PRKDC: variants seen among roughly 807,000 people sequenced by gnomAD.
PRKDC encodes DNA-dependent protein kinase catalytic subunit.
A neutral mutation model predicts 486.9 loss-of-function variants in PRKDC; 82 were observed. That is an observed-to-expected ratio of 0.17 (90% CI 0.14 to 0.20). PRKDC has a LOEUF of 0.20. Ranked by LOEUF, PRKDC falls within the 10% of genes least tolerant of loss-of-function variation. The pLI, the probability that PRKDC is intolerant of heterozygous loss-of-function variation, is 1.00. For missense variants in PRKDC, 4,504 were observed against 5,038.2 expected, an observed-to-expected ratio of 0.89 and a Z score of 3.21; for synonymous variants, 1,895 against 1,837.0, an observed-to-expected ratio of 1.03 and a Z score of -0.81.
chr8:47,955,829 G>A lies in PRKDC; in HGVS notation c.399+45C>T, dbSNP rs1472338447. 1.4e-6 allele frequency: 2 copies of A among 1,431,100 alleles called. 1 individual carries two copies. Among genetic ancestry groups the A allele is most frequent in the South Asian group, 2.5e-5 (2 of 79,272 alleles). 88.7% of individuals were successfully genotyped at this position (1,431,100 alleles called of 1,614,324 possible). On this transcript the variant is annotated intron_variant, in intron 4 of 85. Transcript: ENST00000314191. ...TCAAAACTCTGATTTTCTTTTAAAAGTTACATGTTTAATGTAAAATACGTG... is the reference window on the plus strand; with the variant it reads ...TCAAAACTCTGATTTTCTTTTAAAAATTACATGTTTAATGTAAAATACGTG...
At chr8:47,835,568 G>C (rs1467872116) in intron 58 of PRKDC, among the ~76,000 whole-genome samples, 1 of 117,490 alleles carries the variant, frequency 8.5e-6, no homozygotes, top group East Asian at 2.8e-4. Context: ...AGTGAGCCAA[G>C]ATCGTGCCAC....
rs139461700 is a variant in PRKDC, at chr8:47,939,037, T to C, written c.1113+514A>G. The stretch of plus-strand genomic sequence containing the variant: ...CACACTTGGACTTATGCCTTGGTTC[T>C]GTCAATTCTGAGTCTCTTGACAAGT... On this transcript the variant is annotated intron_variant, in intron 11 of 85. Coordinates refer to ENST00000314191, the MANE Select transcript of PRKDC (RefSeq NM_006904.7). Among the ~76,000 whole-genome samples, 260 of 152,352 alleles carry C rather than the reference T, an allele frequency of 1.7e-3. 1 individual carries two copies. The highest frequency in any genetic ancestry group is 5.7e-3 in the African/African-American group (235 of 41,584).
intron 7 of PRKDC, among the ~76,000 whole-genome samples, chr8:47,946,325 A>AC (rs2090531243): frequency 6.6e-6 from 1 of 151,568 alleles, no homozygotes. Context: ...TCAAAAAAAA[A>AC]CCCCTCTCTT....
chr8:47,908,062 T>C (rs2089825117), intron 25 of PRKDC, among the ~76,000 whole-genome samples: 1 of 152,224 alleles, frequency 6.6e-6, no homozygotes, highest in African/African-American at 2.4e-5. Context: ...GCAGCTCTCT[T>C]GTAAGGAAGC....
chr8:47,811,775 G>A (rs150754343), intron 68 of PRKDC, among the ~76,000 whole-genome samples: 6 of 152,182 alleles, frequency 3.9e-5, no homozygotes, highest in Middle Eastern at 3.4e-3. Context: ...TCAGGAGTTC[G>A]AGACCAGCCT....
At position 47,773,124 on chromosome 8, in the gene PRKDC, C is replaced by G. The variant is rs2086547661; in HGVS notation, c.*1049G>C. ...GATACACACTACTTTTGGAAAAAAACTTTATTAAACACTCAAGAGTATACT... is the reference window on the plus strand; with the variant it reads ...GATACACACTACTTTTGGAAAAAAAGTTTATTAAACACTCAAGAGTATACT... On this transcript the variant is annotated 3_prime_UTR_variant, in exon 86 of 86. Transcript: ENST00000314191. 5.1e-6 allele frequency: 1 copy of G among 197,724 alleles called. No individual in the cohort carries two copies. The highest frequency in any genetic ancestry group is 1.9e-4 in the South Asian group (1 of 5,258). The allele number at this position is 197,724 out of a possible 1,614,324, so 12.2% of individuals were successfully genotyped here.
chr8:47,795,717 T>A (rs929063040), intron 73 of PRKDC, among the ~76,000 whole-genome samples: 4 of 151,822 alleles, frequency 2.6e-5, no homozygotes, highest in Non-Finnish European at 5.9e-5. Flanking sequence ...GGTCTTGAAC[T>A]CCTGACCTCA....
rs1373063490 is a variant in PRKDC, at chr8:47,830,719, T to A, written c.8283A>T (p.Leu2761Phe). Residue 2761 changes from leucine to phenylalanine, a missense_variant, in exon 61 of 86, where the codon TTA (leucine) becomes TTT (phenylalanine). By Grantham distance (22) the Leu-to-Phe change is conservative. Transcript: ENST00000314191. ...QKREKEIKSE[L>F]KMKQDAQVVL... ...CGACCTGGGCATCCTGCTTCATTTT[T>A]AACTCACTCTTGATTTCCTATAAGC... 3 of 1,613,954 alleles carry A rather than the reference T, an allele frequency of 1.9e-6. No individual in the cohort carries two copies. Among genetic ancestry groups the A allele is most frequent in the Non-Finnish European group, 2.5e-6 (3 of 1,179,890 alleles).
rs755510413 is a variant in PRKDC, at chr8:47,803,411, G to C, written c.9817C>G (p.Leu3273Val). 1 of 1,613,892 alleles carries C rather than the reference G, an allele frequency of 6.2e-7. No homozygotes were observed. Among genetic ancestry groups the C allele is most frequent in the Non-Finnish European group, 8.5e-7 (1 of 1,179,894 alleles). ...CAGTAGCTCTGCACCCAGCTCACCAGCCAATCGTCTCTGGTTTTTGACTCT... is the reference window on the plus strand; with the variant it reads ...CAGTAGCTCTGCACCCAGCTCACCACCCAATCGTCTCTGGTTTTTGACTCT... ...HKESKTRDDW[L>V]VSWVQSYCRL... Residue 3273 changes from leucine to valine, a missense_variant, in exon 70 of 86, where the codon CTG becomes GTG. Leu to Val is a conservative substitution (Grantham distance 32). Coordinates refer to ENST00000314191, the MANE Select transcript of PRKDC (RefSeq NM_006904.7).
intron 85 of PRKDC, among the ~76,000 whole-genome samples, chr8:47,775,364 A>ATTTT (rs761373021): frequency 5.6e-4 from 49 of 87,558 alleles, no homozygotes; most frequent in African/African-American, 1.5e-3. Flanking sequence ...TCTTTTGACC[A>ATTTT]TTTTTTTTTT....
rs1036273531 is a variant in PRKDC at position 47,817,325 on chromosome 8, G to A, written c.9557+125C>T. ...TCGGAACTACTTACATGGGAAACAG[G>A]AAGGATGGAAAACAGCTGTGCTAGG... On this transcript the variant is annotated intron_variant, in intron 68 of 85. Coordinates refer to ENST00000314191, the MANE Select transcript of PRKDC (RefSeq NM_006904.7). 6 of 667,544 alleles carry A rather than the reference G, an allele frequency of 9.0e-6. No individual in the cohort carries two copies. In the African/African-American group the frequency reaches 1.1e-4, roughly 12 times the overall value. 41.4% of individuals were successfully genotyped at this position (667,544 alleles called of 1,614,324 possible). A position where few individuals can be genotyped will look rare whatever the true frequency, so the allele number is the denominator to read the frequency against.
At chr8:47,862,015 T>C (rs1191781446) in intron 44 of PRKDC, 47 bp downstream of exon 44, 1 of 1,425,172 alleles carries the variant, frequency 7.0e-7, no homozygotes, top group Non-Finnish European at 9.6e-7. Context: ...ATGGTTTTCT[T>C]TGTGAGCACT....
intron 26 of PRKDC, among the ~76,000 whole-genome samples, chr8:47,903,178 T>C (rs1156717240): frequency 1.3e-5 from 2 of 152,270 alleles, no homozygotes; most frequent in African/African-American, 4.8e-5. Context: ...TTGAGACACT[T>C]TGCATATTGA....
intron 76 of PRKDC, among the ~76,000 whole-genome samples, chr8:47,787,842 G>A (rs1292173215): frequency 6.6e-6 from 1 of 152,156 alleles, no homozygotes; most frequent in Non-Finnish European, 1.5e-5. Flanking sequence ...TCTTTTTTCT[G>A]GTGATGAAAA....
chr8:47,807,024 T>A, intron 69 of PRKDC, 113 bp downstream of exon 69: 1 of 1,102,226 alleles, frequency 9.1e-7, no homozygotes, highest in East Asian at 2.8e-5. Flanking sequence ...AGAAAAAAAA[T>A]AACACCTACC....
At chr8:47,877,012 T>C (rs1460304449) in intron 40 of PRKDC, among the ~76,000 whole-genome samples, 1 of 152,236 alleles carries the variant, frequency 6.6e-6, no homozygotes, top group Non-Finnish European at 1.5e-5. Flanking sequence ...CTATTAGTCT[T>C]GCCAAAATTT....
chr8:47,928,963 T>C, intron 19 of PRKDC, 129 bp downstream of exon 19: 1 of 733,508 alleles, frequency 1.4e-6, no homozygotes. Context: ...GTGCTGGGAT[T>C]AAGGGCATGA....
chr8:47,820,989 A>ACATACTCAAATTG, intron 65 of PRKDC, 46 bp from the exon 66 acceptor site: 1 of 1,207,396 alleles, frequency 8.3e-7, no homozygotes, highest in Non-Finnish European at 1.1e-6. Flanking sequence ...GGCCAATTTG[A>ACATACTCAAATTG]GTATGTCTAA....
Position 47,788,997 on chromosome 8 carries a change from T to A in PRKDC, c.10811A>T (p.Lys3604Ile). The change falls in exon 76 of 86, where the codon AAA becomes ATA. Residue 3604 changes from lysine to isoleucine, a missense_variant. By Grantham distance (102) the Lys-to-Ile change is moderately radical. Coordinates refer to ENST00000314191, the MANE Select transcript of PRKDC (RefSeq NM_006904.7). Reference sequence around the variant, plus strand: ...TCTTTCATACATTTTTTCAATGTTTTTTTTATTTACAGGGGTTTTTGCTAG... The same window carrying A: ...TCTTTCATACATTTTTTCAATGTTTATTTTATTTACAGGGGTTTTTGCTAG... ...AELAKTPVNK[K>I]NIEKMYERMY... 1 of 1,613,630 alleles carries A rather than the reference T, an allele frequency of 6.2e-7. No homozygotes were observed. The highest frequency in any genetic ancestry group is 8.5e-7 in the Non-Finnish European group (1 of 1,179,710).
Sources: gnomAD v4.1 joint callset for allele counts (sites outside exome capture counted in the v4.1 genomes callset) on GRCh38, gnomAD v4.1.1 for gene constraint, MANE v1.5 for transcripts, NCBI Gene and HGNC (gene_info 2026-07-23, HGNC 2026-07-21) for gene names.